DGKB: variants seen among roughly 807,000 people sequenced by gnomAD.
The protein encoded by DGKB is 90 kDa diacylglycerol kinase.
In DGKB, 67 loss-of-function variants were observed where a neutral mutation model predicts 114.3. That is an observed-to-expected ratio of 0.59 (90% CI 0.48 to 0.72). DGKB has a LOEUF of 0.72. Among genes scored for constraint, DGKB ranks in the 30% least tolerant of loss-of-function variants. The pLI is 0.00. For missense variants in DGKB, 907 were observed against 975.2 expected, an observed-to-expected ratio of 0.93 and a Z score of 0.93; for synonymous variants, 398 against 323.1, an observed-to-expected ratio of 1.23 and a Z score of -2.49.
At chr7:14,577,335 A>T (rs1315092100) in intron 19 of DGKB, among the ~76,000 whole-genome samples, 1 of 152,176 alleles carries the variant, frequency 6.6e-6, no homozygotes, top group Non-Finnish European at 1.5e-5. Context: ...AAGTGTGTTC[A>T]GGCCAGGTGC....
At chr7:14,527,144 G>T (rs554877060) in intron 20 of DGKB, among the ~76,000 whole-genome samples, 2 of 152,122 alleles carry the variant, frequency 1.3e-5, no homozygotes, top group Admixed American at 1.3e-4. Context: ...GGGTCACCAG[G>T]TCTTGCCTAC....
chr7:14,474,025 G>A (rs1281620768), intron 21 of DGKB, among the ~76,000 whole-genome samples: 5 of 152,130 alleles, frequency 3.3e-5, no homozygotes, highest in Non-Finnish European at 5.9e-5. Context: ...AATGAATTAA[G>A]ACTTTGGGGG....
intron 4 of DGKB, 144 bp from the exon 5 acceptor site, chr7:14,736,338 A>G (rs1027722246): frequency 8.8e-6 from 5 of 570,414 alleles, no homozygotes; most frequent in Non-Finnish European, 1.2e-5. Context: ...CTATTTGAGA[A>G]ATAGGGTGGG....
At chr7:14,155,855 T>C (rs1782938910) in intron 25 of DGKB, among the ~76,000 whole-genome samples, 1 of 152,086 alleles carries the variant, frequency 6.6e-6, no homozygotes, top group Non-Finnish European at 1.5e-5. Flanking sequence ...GGTGACGTTC[T>C]GAAGGAGATG....
chr7:14,271,950 CT>C (rs1798327875), intron 23 of DGKB, among the ~76,000 whole-genome samples: 1 of 152,158 alleles, frequency 6.6e-6, no homozygotes, highest in Admixed American at 6.5e-5. Flanking sequence ...CTATTACTAA[CT>C]TGGGTATTGA....
chr7:14,769,651 T>C (rs1837119247), intron 2 of DGKB, among the ~76,000 whole-genome samples: 1 of 152,072 alleles, frequency 6.6e-6, no homozygotes, highest in Non-Finnish European at 1.5e-5. Flanking sequence ...ACTGCAGAAA[T>C]TTACTTTTTC....
intron 21 of DGKB, among the ~76,000 whole-genome samples, chr7:14,460,298 G>A (rs1199072653): frequency 1.3e-5 from 2 of 151,856 alleles, no homozygotes; most frequent in African/African-American, 2.4e-5. Context: ...AAAGACACAG[G>A]CTGGCAAATT....
rs541452066 is a variant in DGKB, at chr7:14,167,715, T to C, written c.2304+9124A>G. 4.5e-4 allele frequency among the ~76,000 whole-genome samples: 65 copies of C among 144,014 alleles called. 1 individual carries two copies. The highest frequency in any genetic ancestry group is 2.5e-4 in the Non-Finnish European group (17 of 67,976). The allele number at this position is 144,014 out of a possible 152,430, so 94.5% of individuals were successfully genotyped here. On this transcript the variant is annotated intron_variant, in intron 25 of 25. Transcript: ENST00000402815. ...ACAAGTAAGATACATCTGAATAACA[T>C]TGCAAACACTTTGAAAACCAAACAA...
chr7:14,924,110 C>T (rs1367363703), intron 1 of DGKB, among the ~76,000 whole-genome samples: 2 of 149,224 alleles, frequency 1.3e-5, no homozygotes, highest in Non-Finnish European at 3.0e-5. Flanking sequence ...TGACACTCTC[C>T]TCATTCTAAC....
intron 23 of DGKB, among the ~76,000 whole-genome samples, chr7:14,257,028 T>C (rs1263042659): frequency 6.6e-6 from 1 of 152,072 alleles, no homozygotes; most frequent in Non-Finnish European, 1.5e-5. Context: ...CCAGGAATGG[T>C]GGCATACTCT....
intron 13 of DGKB, among the ~76,000 whole-genome samples, chr7:14,650,034 C>T (rs188478283): frequency 6.0e-4 from 91 of 152,046 alleles, no homozygotes; most frequent in Admixed American, 2.6e-3. Context: ...TAGACTCCCA[C>T]GCATTAATAA....
chr7:14,419,601 G>T (rs879392811), intron 21 of DGKB, among the ~76,000 whole-genome samples: 1 of 150,436 alleles, frequency 6.6e-6, no homozygotes, highest in Non-Finnish European at 1.5e-5. Flanking sequence ...GTGTTGAAAT[G>T]ATTGAAGATA....
chr7:14,640,236 A>G (rs912493760), intron 13 of DGKB, among the ~76,000 whole-genome samples: 38 of 152,302 alleles, frequency 2.5e-4, no homozygotes, highest in African/African-American at 9.1e-4. Context: ...ATTTTATTAA[A>G]GATCTGTGAC....
In DGKB at chr7:14,583,462, C is replaced by T. The variant is rs530882908; in HGVS notation, c.1434-325G>A. Among the ~76,000 whole-genome samples, 14 of 152,034 alleles carry T rather than the reference C, an allele frequency of 9.2e-5. 1 individual carries two copies. The South Asian group carries it at 2.7e-3, about 29-fold the overall frequency. On this transcript the variant is annotated intron_variant, in intron 17 of 25. Coordinates refer to ENST00000402815, the MANE Select transcript of DGKB (RefSeq NM_001350709.2). ...ATTCTCCCAGATGTGATTTGCAGTTCGCATAACCCAGAATGACATATACTA... is the reference window on the plus strand; with the variant it reads ...ATTCTCCCAGATGTGATTTGCAGTTTGCATAACCCAGAATGACATATACTA...
Position 14,720,544 on chromosome 7 carries a change from C to T in DGKB, c.323-1859G>A, listed in dbSNP as rs1179480475. On this transcript the variant is annotated intron_variant, in intron 5 of 25. Coordinates refer to ENST00000402815, the MANE Select transcript of DGKB (RefSeq NM_001350709.2). ...ATGTTTAGTAGAGATGGTGTTTCACCATGTTGGTCAGGCTGGTCTCGAATT... is the reference window on the plus strand; with the variant it reads ...ATGTTTAGTAGAGATGGTGTTTCACTATGTTGGTCAGGCTGGTCTCGAATT... Among the ~76,000 whole-genome samples the T allele has an allele frequency of 3.4e-5, 5 of 147,056 alleles. No individual in the cohort carries two copies. In the East Asian group the frequency reaches 9.9e-4, roughly 29 times the overall value.
At chr7:14,207,126 C>A (rs981113971) in intron 23 of DGKB, among the ~76,000 whole-genome samples, 2 of 152,036 alleles carry the variant, frequency 1.3e-5, no homozygotes, top group Non-Finnish European at 2.9e-5. Context: ...GGAATAGGAA[C>A]CCTGCCTTTA....
At chr7:14,699,506 CAT>C (rs2129007368) in intron 7 of DGKB, among the ~76,000 whole-genome samples, 1 of 152,268 alleles carries the variant, frequency 6.6e-6, no homozygotes, top group South Asian at 2.1e-4. Context: ...AAAGGTTAAA[CAT>C]GTTATTATAC....
Position 14,842,219 on chromosome 7 carries a change from A to G in DGKB, c.-187-769T>C, listed in dbSNP as rs561207986. Among the ~76,000 whole-genome samples, 16 of 152,348 alleles carry G rather than the reference A, an allele frequency of 1.1e-4. 1 individual carries two copies. Among genetic ancestry groups the G allele is most frequent in the Admixed American group, 3.9e-4 (6 of 15,304 alleles). ...TTTTTGTAAAATTGTAATCATTGCA[A>G]GGTTTATTTATACAGATGTCATTAC... On this transcript the variant is annotated intron_variant, in intron 1 of 25. Coordinates refer to ENST00000402815, the MANE Select transcript of DGKB (RefSeq NM_001350709.2).
intron 4 of DGKB, among the ~76,000 whole-genome samples, chr7:14,753,695 C>A (rs1834444609): frequency 6.6e-6 from 1 of 152,076 alleles, no homozygotes; most frequent in East Asian, 1.9e-4. Flanking sequence ...CACTTGAGAC[C>A]CTTTTTGTCT....
Sources: allele counts gnomAD v4.1 joint callset (sites outside exome capture counted in the v4.1 genomes callset), GRCh38; gene constraint gnomAD v4.1.1; transcripts MANE v1.5; gene names NCBI Gene and HGNC (gene_info 2026-07-23, HGNC 2026-07-21).